Variants in NLGN4X observed in about 807,000 individuals in gnomAD.
The protein encoded by NLGN4X is neuroligin-4, X-linked.
Under a neutral mutation model 40.3 loss-of-function variants are expected in NLGN4X, and 3 were observed. The observed-to-expected ratio is 0.07, with a 90% CI of 0.03 to 0.19. The LOEUF (loss-of-function observed/expected upper bound fraction) is 0.19. Ranked by LOEUF, NLGN4X falls within the 10% of genes least tolerant of loss-of-function variation. NLGN4X has a pLI of 1.00. For synonymous variants in NLGN4X, 270 were observed against 306.8 expected (o/e 0.88, Z 1.25); for missense variants, 382 against 708.3 (o/e 0.54, Z 5.23).
intron 2 of NLGN4X, among the ~76,000 whole-genome samples, chrX:6,107,512 C>T (rs1407560234): frequency 9.0e-6 from 1 of 111,665 alleles, no homozygotes; most frequent in Admixed American, 9.5e-5. Flanking sequence ...GCAGCAGTCA[C>T]TCCTCTGTGG....
At chrX:5,935,039 T>C (rs2033687964) in intron 3 of NLGN4X, among the ~76,000 whole-genome samples, 1 of 112,102 alleles carries the variant, frequency 8.9e-6, no homozygotes, top group Non-Finnish European at 1.9e-5. Context: ...CAGCTACTAT[T>C]AGTCGATGCT....
rs759181018 is a variant in NLGN4X at position 5,925,901 on chromosome X, T to C, written c.626-16662A>G. ...ACACACATATATATATATATATATA[T>C]ATATATATATATATATATATATATA... On this transcript the variant is annotated intron_variant, in intron 3 of 5. Coordinates refer to ENST00000381095, the MANE Select transcript of NLGN4X (RefSeq NM_181332.3). 1.3e-3 allele frequency among the ~76,000 whole-genome samples: 48 copies of C among 36,343 alleles called. 2 individuals carry two copies. In the South Asian group the frequency reaches 0.042, roughly 32 times the overall value. The allele number at this position is 36,343 out of a possible 115,157, so 31.6% of individuals were successfully genotyped here.
At position 6,087,726 on chromosome X, in the gene NLGN4X, C is replaced by T. The variant is rs185434227; in HGVS notation, c.473-58294G>A. Among the ~76,000 whole-genome samples, 210 of 111,823 alleles carry T rather than the reference C, an allele frequency of 1.9e-3. 2 individuals are homozygous for T. The highest frequency in any genetic ancestry group is 0.018 in the East Asian group (62 of 3,536). On this transcript the variant is annotated intron_variant, in intron 2 of 5. Coordinates refer to ENST00000381095, the MANE Select transcript of NLGN4X (RefSeq NM_181332.3). ...CTCCAACTAGCAAACTGTGAGAGTG[C>T]TCATTTTTCCATGCCCAAAGATAAC...
At chrX:5,925,545 TC>T (rs1489948912) in intron 3 of NLGN4X, among the ~76,000 whole-genome samples, 2 of 109,684 alleles carry the variant, frequency 1.8e-5, no homozygotes, top group Non-Finnish European at 3.8e-5. Flanking sequence ...AGGTATAGGA[TC>T]TTAAATTTTG....
intron 2 of NLGN4X, among the ~76,000 whole-genome samples, chrX:6,073,786 C>T (rs954528220): frequency 1.8e-5 from 2 of 110,841 alleles, no homozygotes; most frequent in Non-Finnish European, 3.8e-5. Flanking sequence ...TTGAACTGCA[C>T]ATGTGAAAAT....
chrX:5,977,992 C>A (rs751444479), intron 3 of NLGN4X, among the ~76,000 whole-genome samples: 4 of 112,181 alleles, frequency 3.6e-5, no homozygotes, highest in Non-Finnish European at 7.5e-5. Flanking sequence ...AGGAAAACGG[C>A]TGGTGCATTG....
intron 3 of NLGN4X, among the ~76,000 whole-genome samples, chrX:5,921,436 G>GAGAGAGAGAGAGAGAGGAGAGAC (rs1569131798): frequency 7.9e-5 from 3 of 37,993 alleles, no homozygotes; most frequent in Non-Finnish European, 1.8e-4. Flanking sequence ...AGAGAGAGAG[G>GAGAGAGAGAGAGAGAGGAGAGAC]AGAGACAGAG....
intron 3 of NLGN4X, among the ~76,000 whole-genome samples, chrX:6,019,170 G>A (rs923541513): frequency 3.6e-5 from 4 of 111,861 alleles, no homozygotes; most frequent in African/African-American, 9.7e-5. Context: ...ACTTATTAAC[G>A]TTGGAATGGA....
chrX:6,182,242 A>G (rs989889923), intron 1 of NLGN4X, among the ~76,000 whole-genome samples: 17 of 112,193 alleles, frequency 1.5e-4, no homozygotes, highest in Middle Eastern at 9.1e-3. Context: ...CACACACGTG[A>G]TAATATTCCA....
intron 2 of NLGN4X, among the ~76,000 whole-genome samples, chrX:6,120,983 G>A (rs58924822): frequency 3.4e-4 from 38 of 111,974 alleles, no homozygotes; most frequent in African/African-American, 1.2e-3. Context: ...AACAAGTCAA[G>A]GTGCTGTATC....
intron 1 of NLGN4X, among the ~76,000 whole-genome samples, chrX:6,225,689 C>CTTTTTTTGTTTTTTTTTTTTTT (rs1926184086): frequency 3.7e-5 from 1 of 26,912 alleles, no homozygotes; most frequent in African/African-American, 1.3e-4. Context: ...TTCTTTTTTT[C>CTTTTTTTGTTTTTTTTTTTTTT]TTTTTTTTTT....
At chrX:5,896,805 T>G (rs937363022) in intron 5 of NLGN4X, among the ~76,000 whole-genome samples, 1 of 112,400 alleles carries the variant, frequency 8.9e-6, no homozygotes, top group Non-Finnish European at 1.9e-5. Flanking sequence ...GACTAGTTTA[T>G]TATGCATTCA....
intron 3 of NLGN4X, among the ~76,000 whole-genome samples, chrX:5,915,160 A>G (rs1417576663): frequency 1.8e-5 from 2 of 112,533 alleles, no homozygotes; most frequent in Non-Finnish European, 3.7e-5. Flanking sequence ...GCACAGAACC[A>G]AAGTCTATTT....
At chrX:5,993,838 G>C (rs1321346772) in intron 3 of NLGN4X, among the ~76,000 whole-genome samples, 1 of 111,881 alleles carries the variant, frequency 8.9e-6, no homozygotes. Context: ...CACAGAAGAG[G>C]TTCAGCTGAA....
intron 2 of NLGN4X, among the ~76,000 whole-genome samples, chrX:6,085,263 GA>G (rs1380869895): frequency 9.0e-6 from 1 of 111,384 alleles, no homozygotes; most frequent in Admixed American, 9.6e-5. Flanking sequence ...ATAGCCAGAA[GA>G]AGAGGAGGTT....
At chrX:5,956,947 G>A (rs1457205539) in intron 3 of NLGN4X, among the ~76,000 whole-genome samples, 1 of 111,055 alleles carries the variant, frequency 9.0e-6, no homozygotes, top group Non-Finnish European at 1.9e-5. Context: ...AAGAAGTTGG[G>A]AATATTCTGT....
intron 2 of NLGN4X, among the ~76,000 whole-genome samples, chrX:6,129,866 A>G (rs1342126580): frequency 9.2e-6 from 1 of 109,249 alleles, no homozygotes; most frequent in African/African-American, 3.4e-5. Flanking sequence ...TGTGGGGGAA[A>G]GAAAGATACC....
intron 2 of NLGN4X, among the ~76,000 whole-genome samples, chrX:6,048,405 T>G (rs1231625754): frequency 9.0e-6 from 1 of 111,452 alleles, no homozygotes; most frequent in Non-Finnish European, 1.9e-5. Flanking sequence ...AAGTTAAGAA[T>G]GGGGAAGGTA....
intron 2 of NLGN4X, among the ~76,000 whole-genome samples, chrX:6,039,299 C>A (rs911086541): frequency 1.8e-5 from 2 of 111,251 alleles, no homozygotes; most frequent in African/African-American, 6.5e-5. Flanking sequence ...AGAGAAGAAC[C>A]CATTGGCCCT....
Sources: allele counts gnomAD v4.1 joint callset (sites outside exome capture counted in the v4.1 genomes callset), GRCh38; gene constraint gnomAD v4.1.1; transcripts MANE v1.5; gene names NCBI Gene and HGNC (gene_info 2026-07-23, HGNC 2026-07-21).